Variants in SLC10A7 observed in about 807,000 individuals in gnomAD.
SLC10A7 encodes sodium/bile acid cotransporter 7.
SLC10A7 carries 29 observed loss-of-function variants against 43.2 expected under a neutral mutation model. The observed-to-expected ratio is 0.67, with a 90% CI of 0.50 to 0.92. The LOEUF is 0.92. Among genes scored for constraint, SLC10A7 ranks in the 40% least tolerant of loss-of-function variants. SLC10A7 has a pLI of 0.00. For synonymous variants in SLC10A7, 152 were observed against 144.8 expected, an observed-to-expected ratio of 1.05 and a Z score of -0.35; for missense variants, 295 against 403.2, an observed-to-expected ratio of 0.73 and a Z score of 2.30.
At chr4:146,296,819 T>C (rs1476846672) in intron 7 of SLC10A7, among the ~76,000 whole-genome samples, 2 of 152,184 alleles carry the variant, frequency 1.3e-5, no homozygotes, top group African/African-American at 4.8e-5. Flanking sequence ...TGAAGTAGTG[T>C]TGACATGCCT....
intron 4 of SLC10A7, among the ~76,000 whole-genome samples, chr4:146,468,473 A>ATTTTTTTTTTTT (rs368637891): frequency 7.0e-6 from 1 of 143,582 alleles, no homozygotes; most frequent in East Asian, 2.1e-4. Context: ...TTATATTTTA[A>ATTTTTTTTTTTT]TTTTTTTTTT....
chr4:146,256,253 T>C lies in SLC10A7; in HGVS notation c.*238A>G, dbSNP rs1443621751. 1 of 540,148 alleles carries C rather than the reference T, an allele frequency of 1.9e-6. No homozygotes were observed. Among genetic ancestry groups the C allele is most frequent in the Non-Finnish European group, 3.3e-6 (1 of 302,750 alleles). 33.5% of individuals were successfully genotyped at this position (540,148 alleles called of 1,614,324 possible). ...CACTTACCATGACTGATTCCTGCAT[T>C]AGGAAAGCAAAATTAACCCCCAAAT... On this transcript the variant is annotated 3_prime_UTR_variant, in exon 12 of 12. Transcript: ENST00000335472.
chr4:146,511,969 C>CTTTTTTTTTT (rs765683134), intron 2 of SLC10A7, among the ~76,000 whole-genome samples: 1 of 98,860 alleles, frequency 1.0e-5, no homozygotes, highest in Non-Finnish European at 1.9e-5. Context: ...TGCATATACT[C>CTTTTTTTTTT]TTTTTTTTTT....
intron 5 of SLC10A7, among the ~76,000 whole-genome samples, chr4:146,375,362 T>C (rs763651582): frequency 2.0e-5 from 3 of 152,178 alleles, no homozygotes; most frequent in Non-Finnish European, 2.9e-5. Flanking sequence ...AGAGATGCTC[T>C]TACCTTTGCA....
At chr4:146,516,432 TAC>T (rs970081903) in intron 2 of SLC10A7, among the ~76,000 whole-genome samples, 1 of 148,858 alleles carries the variant, frequency 6.7e-6, no homozygotes, top group African/African-American at 2.5e-5. Context: ...TGTGTGTGTA[TAC>T]ACACACACTT....
chr4:146,483,789 T>C (rs756502748), intron 4 of SLC10A7, among the ~76,000 whole-genome samples: 1 of 152,122 alleles, frequency 6.6e-6, no homozygotes, highest in Non-Finnish European at 1.5e-5. Context: ...ATATTCCATA[T>C]AAATGGTAAC....
chr4:146,401,328 T>A (rs1739210725), intron 5 of SLC10A7, among the ~76,000 whole-genome samples: 1 of 152,178 alleles, frequency 6.6e-6, no homozygotes, highest in Non-Finnish European at 1.5e-5. Flanking sequence ...ACTTGGTTCA[T>A]CTTCTGGATG....
At chr4:146,334,632 A>G (rs1733755044) in intron 5 of SLC10A7, among the ~76,000 whole-genome samples, 1 of 152,088 alleles carries the variant, frequency 6.6e-6, no homozygotes, top group Non-Finnish European at 1.5e-5. Flanking sequence ...AGGAATAGAG[A>G]TTTAGTAAAG....
intron 11 of SLC10A7, chr4:146,256,910 C>T (rs1430615712): frequency 2.0e-6 from 3 of 1,536,174 alleles, no homozygotes; most frequent in African/African-American, 1.4e-5. Flanking sequence ...TCAAGTTAGC[C>T]AGTGGCCCCC....
At chr4:146,356,332 A>G (rs1429158302) in intron 5 of SLC10A7, among the ~76,000 whole-genome samples, 1 of 152,112 alleles carries the variant, frequency 6.6e-6, no homozygotes, top group Non-Finnish European at 1.5e-5. Context: ...TCCTTAATCC[A>G]ATATATTACT....
chr4:146,274,755 T>C (rs1308405175), intron 10 of SLC10A7, among the ~76,000 whole-genome samples: 1 of 152,210 alleles, frequency 6.6e-6, no homozygotes, highest in South Asian at 2.1e-4. Flanking sequence ...CTACTGCATT[T>C]GTTTTAAATG....
At chr4:146,279,850 T>C (rs879664566) in intron 10 of SLC10A7, among the ~76,000 whole-genome samples, 6 of 152,048 alleles carry the variant, frequency 3.9e-5, no homozygotes, top group Non-Finnish European at 8.8e-5. Context: ...AATCAATCAA[T>C]AGAAAAAGTA....
chr4:146,405,161 G>GT (rs1167320394), intron 5 of SLC10A7, among the ~76,000 whole-genome samples: 2 of 152,096 alleles, frequency 1.3e-5, no homozygotes, highest in Non-Finnish European at 2.9e-5. Context: ...CCTCTGTTTA[G>GT]TGGCTTTACT....
rs140018151 is a variant in SLC10A7, at chr4:146,391,017, G to C, written c.435+51766C>G. On this transcript the variant is annotated intron_variant, in intron 5 of 11. Coordinates refer to ENST00000335472, the MANE Select transcript of SLC10A7 (RefSeq NM_001029998.6). Reference sequence around the variant, plus strand: ...GAGAGCTAGATAGTGAAGCTGGAAAGGACACTATCATCTTGCTAGTTAAAT... The same window carrying C: ...GAGAGCTAGATAGTGAAGCTGGAAACGACACTATCATCTTGCTAGTTAAAT... Among the ~76,000 whole-genome samples the C allele has an allele frequency of 2.8e-4, 42 of 152,242 alleles. No homozygotes were observed. The East Asian group carries it at 7.7e-3, about 28-fold the overall frequency.
chr4:146,448,009 T>C (rs547275951), intron 4 of SLC10A7, among the ~76,000 whole-genome samples: 58 of 150,828 alleles, frequency 3.8e-4, no homozygotes, highest in African/African-American at 1.2e-3. Flanking sequence ...TAGGTGGGAA[T>C]TGAACAATGA....
intron 5 of SLC10A7, among the ~76,000 whole-genome samples, chr4:146,365,590 T>G (rs1448517848): frequency 6.6e-6 from 1 of 152,224 alleles, no homozygotes; most frequent in East Asian, 1.9e-4. Flanking sequence ...CACTTAATGG[T>G]AAAGAAAGGG....
chr4:146,470,241 C>CA (rs1186700355), intron 4 of SLC10A7, among the ~76,000 whole-genome samples: 3 of 152,000 alleles, frequency 2.0e-5, no homozygotes, highest in Non-Finnish European at 2.9e-5. Flanking sequence ...AACTATTGTT[C>CA]AAATTTAAGG....
chr4:146,311,693 T>G (rs1177804581), intron 6 of SLC10A7, among the ~76,000 whole-genome samples: 2 of 152,130 alleles, frequency 1.3e-5, no homozygotes, highest in Non-Finnish European at 2.9e-5. Flanking sequence ...GAGCAGGATT[T>G]GTTGTCTTCC....
intron 5 of SLC10A7, among the ~76,000 whole-genome samples, chr4:146,327,799 G>A (rs529962763): frequency 1.3e-5 from 2 of 152,166 alleles, no homozygotes; most frequent in African/African-American, 4.8e-5. Flanking sequence ...AGGATTGATA[G>A]CCCCCACCCC....
Sources: gnomAD v4.1 joint callset for allele counts (sites outside exome capture counted in the v4.1 genomes callset) on GRCh38, gnomAD v4.1.1 for gene constraint, MANE v1.5 for transcripts, NCBI Gene and HGNC (gene_info 2026-07-23, HGNC 2026-07-21) for gene names.